Variants in RASA2 observed in about 807,000 individuals in gnomAD.
RASA2 encodes the protein ras GTPase-activating protein 2.
A neutral mutation model predicts 118.2 loss-of-function variants in RASA2; 155 were observed. The observed-to-expected ratio is 1.31, with a 90% CI of 1.15 to 1.50. The LOEUF (loss-of-function observed/expected upper bound fraction) is 1.50. RASA2 is among the 40% of genes most tolerant of loss of function. RASA2 has a pLI of 0.00. For synonymous variants in RASA2, 353 were observed against 349.1 expected, an observed-to-expected ratio of 1.01 and a Z score of -0.12; for missense variants, 1,016 against 1,009.6, an observed-to-expected ratio of 1.01 and a Z score of -0.09.
At chr3:141,553,713 A>T in intron 5 of RASA2, 144 bp from the exon 6 acceptor site, 1 of 1,316,662 alleles carries the variant, frequency 7.6e-7, no homozygotes, top group Non-Finnish European at 1.0e-6. Flanking sequence ...TACCTATTCC[A>T]TATAGGTAGT....
chr3:141,540,686 T>C, intron 5 of RASA2, 77 bp downstream of exon 5: 1 of 1,248,742 alleles, frequency 8.0e-7, no homozygotes, highest in Non-Finnish European at 1.1e-6. Context: ...GCCAACTCCT[T>C]GTTTTAACTT....
chr3:141,528,418 G>T (rs566383101), intron 3 of RASA2, among the ~76,000 whole-genome samples: 1 of 151,906 alleles, frequency 6.6e-6, no homozygotes, highest in African/African-American at 2.4e-5. Flanking sequence ...CATTATATAC[G>T]TTAGAGGGAG....
chr3:141,591,581 G>A (rs563176061), intron 19 of RASA2, among the ~76,000 whole-genome samples: 13 of 152,224 alleles, frequency 8.5e-5, no homozygotes, highest in Admixed American at 5.9e-4. Flanking sequence ...TCTGAATTAC[G>A]TTACGAACTA....
At chr3:141,526,378 T>C (rs1489648294) in intron 3 of RASA2, among the ~76,000 whole-genome samples, 3 of 151,984 alleles carry the variant, frequency 2.0e-5, no homozygotes, top group Non-Finnish European at 4.4e-5. Flanking sequence ...TTGTTCCTTC[T>C]TTCCCCATCC....
At chr3:141,493,586 G>A (rs2081663942) in intron 1 of RASA2, among the ~76,000 whole-genome samples, 2 of 151,998 alleles carry the variant, frequency 1.3e-5, no homozygotes, top group Non-Finnish European at 2.9e-5. Flanking sequence ...CTAAATGATG[G>A]CAACCTGCTG....
chr3:141,597,833 TAAAAG>T (rs2083397769), intron 19 of RASA2, among the ~76,000 whole-genome samples: 1 of 149,736 alleles, frequency 6.7e-6, no homozygotes, highest in Non-Finnish European at 1.5e-5. Flanking sequence ...GAAAGACTGA[TAAAAG>T]AAAAAAAAAT....
intron 15 of RASA2, among the ~76,000 whole-genome samples, chr3:141,580,086 ATATAT>A (rs376573032): frequency 0.021 from 1,059 of 51,092 alleles, 22 homozygotes; most frequent in East Asian, 0.15. Context: ...AAAAAAAAAA[ATATAT>A]ATATATATAT....
chr3:141,536,437 C>T (rs1287512601), intron 4 of RASA2, among the ~76,000 whole-genome samples: 1 of 152,052 alleles, frequency 6.6e-6, no homozygotes, highest in Non-Finnish European at 1.5e-5. Flanking sequence ...GGTGGGGACA[C>T]AGCCAAACCA....
chr3:141,601,853 T>C (rs772850526), intron 19 of RASA2, among the ~76,000 whole-genome samples: 2 of 152,192 alleles, frequency 1.3e-5, no homozygotes, highest in Non-Finnish European at 2.9e-5. Flanking sequence ...ACTCAGTTCA[T>C]TTTTCTTTTA....
intron 19 of RASA2, chr3:141,600,723 C>A (rs778190757): frequency 2.0e-5 from 3 of 153,352 alleles, no homozygotes; most frequent in African/African-American, 7.2e-5. Context: ...TTTTAAGAAG[C>A]CACATCTCCC....
At chr3:141,609,018 A>G (rs574891316) in intron 21 of RASA2, among the ~76,000 whole-genome samples, 1 of 152,306 alleles carries the variant, frequency 6.6e-6, no homozygotes, top group African/African-American at 2.4e-5. Context: ...TCCAAAATTA[A>G]TAGTGGTTGC....
chr3:141,600,645 C>T (rs1476996287), intron 19 of RASA2: 1 of 162,300 alleles, frequency 6.2e-6, no homozygotes, highest in African/African-American at 2.4e-5. Flanking sequence ...AGGAGTCCTT[C>T]AGAGCTTCAC....
chr3:141,593,119 C>T (rs528330239), intron 19 of RASA2, among the ~76,000 whole-genome samples: 2 of 152,276 alleles, frequency 1.3e-5, no homozygotes, highest in Non-Finnish European at 1.5e-5. Context: ...GCAATCTCAG[C>T]TCACTGCAAC....
In RASA2 at chr3:141,614,384, T is replaced by A. The variant is rs1164375961; in HGVS notation, c.*2071T>A. ...GAGTAATGTGAAATTAAATTATTTTTCTTTGAAAGTCTTTTGAAATAAGAG... is the reference window on the plus strand; with the variant it reads ...GAGTAATGTGAAATTAAATTATTTTACTTTGAAAGTCTTTTGAAATAAGAG... On this transcript the variant is annotated 3_prime_UTR_variant, in exon 24 of 24. Transcript: ENST00000286364. The A allele has an allele frequency of 6.6e-6, 1 of 152,226 alleles. No individual in the cohort carries two copies. The highest frequency in any genetic ancestry group is 2.4e-5 in the African/African-American group (1 of 41,472). 9.4% of individuals were successfully genotyped at this position (152,226 alleles called of 1,614,324 possible).
intron 9 of RASA2, among the ~76,000 whole-genome samples, chr3:141,569,563 C>A (rs2151128012): frequency 6.6e-6 from 1 of 152,212 alleles, no homozygotes; most frequent in East Asian, 1.9e-4. Context: ...AGTATCCCCC[C>A]AAAAAGGAAA....
Position 141,577,015 on chromosome 3 carries a change from A to G in RASA2, c.1499A>G (p.Gln500Arg). 6.2e-7 allele frequency: 1 copy of G among 1,602,884 alleles called. No individual in the cohort carries two copies. The highest frequency in any genetic ancestry group is 8.5e-7 in the Non-Finnish European group (1 of 1,174,528). Residue 500 changes from glutamine to arginine, a missense_variant, in exon 15 of 24, where the codon CAG (glutamine) becomes CGG (arginine). Gln to Arg is a conservative substitution (Grantham distance 43, BLOSUM62 1). This residue lies in a region of RASA2 where 896 missense variants were observed against 836.4 expected (regional missense o/e 1.07). Coordinates refer to ENST00000286364, the MANE Select transcript of RASA2 (RefSeq NM_006506.5). ...TQRFPNDPHV[Q>R]YSAVSSFVFL... The stretch of plus-strand genomic sequence containing the variant: ...TTTCCTGCAGATGACCCTCATGTTC[A>G]GTATTCTGCAGTGAGCAGCTTTGTA...
In RASA2 at chr3:141,542,833, A is replaced by G. The variant is rs2082425544; in HGVS notation, c.527+2224A>G. Among the ~76,000 whole-genome samples the G allele has an allele frequency of 2.0e-5, 3 of 152,088 alleles. No homozygotes were observed. In the South Asian group the frequency reaches 6.2e-4, roughly 32 times the overall value. ...CAACCTCTAATCTGTCTTTATATCT[A>G]TAATTTTGTCATTTCAAGAATGTTA... On this transcript the variant is annotated intron_variant, in intron 5 of 23. Transcript: ENST00000286364.
At chr3:141,605,047 A>C (rs1293166393) in intron 19 of RASA2, among the ~76,000 whole-genome samples, 3 of 151,952 alleles carry the variant, frequency 2.0e-5, no homozygotes, top group African/African-American at 4.8e-5. Context: ...GCTGATGAGG[A>C]TTTTGATGTC....
intron 14 of RASA2, among the ~76,000 whole-genome samples, chr3:141,574,799 A>G (rs1412545900): frequency 6.6e-6 from 1 of 152,204 alleles, no homozygotes; most frequent in African/African-American, 2.4e-5. Context: ...AATTGACTAG[A>G]TTTGACAGTT....
Sources: allele counts gnomAD v4.1 joint callset (sites outside exome capture counted in the v4.1 genomes callset), GRCh38; gene constraint gnomAD v4.1.1; regional missense constraint gnomAD v4.1.1; transcripts MANE v1.5; gene names NCBI Gene and HGNC (gene_info 2026-07-23, HGNC 2026-07-21).